Variants in AKAP13 observed in about 807,000 individuals in gnomAD.
AKAP13 encodes A-kinase anchor protein 13.
AKAP13 carries 80 observed loss-of-function variants against 264.5 expected under a neutral mutation model. The ratio of observed to expected loss-of-function variants is 0.30; its 90% confidence interval spans 0.25 to 0.36. AKAP13 has a LOEUF of 0.36. Among genes scored for constraint, AKAP13 ranks in the 10% least tolerant of loss-of-function variants. AKAP13 has a pLI of 1.00. For missense variants in AKAP13, 3,712 were observed against 3,435.2 expected, an observed-to-expected ratio of 1.08 and a Z score of -2.01; for synonymous variants, 1,380 against 1,250.2, an observed-to-expected ratio of 1.10 and a Z score of -2.19.
At chr15:85,620,176 A>AG (rs574069493) in intron 8 of AKAP13, 5 of 1,535,938 alleles carry the variant, frequency 3.3e-6, no homozygotes, top group East Asian at 2.4e-5. Context: ...GCTGAAGGTA[A>AG]GGGGGGCTGC....
chr15:85,606,956 T>C (rs2080377651), intron 8 of AKAP13, among the ~76,000 whole-genome samples: 1 of 152,178 alleles, frequency 6.6e-6, no homozygotes, highest in Non-Finnish European at 1.5e-5. Flanking sequence ...TTCGGGGACA[T>C]TTTAAGTTCA....
At chr15:85,396,658 T>C (rs1952557287) in intron 1 of AKAP13, among the ~76,000 whole-genome samples, 1 of 152,198 alleles carries the variant, frequency 6.6e-6, no homozygotes, top group South Asian at 2.1e-4. Flanking sequence ...AACCATGAAA[T>C]GCCTCTGTAA....
At chr15:85,683,579 C>G (rs1351287362) in intron 15 of AKAP13, 1 of 152,256 alleles carries the variant, frequency 6.6e-6, no homozygotes, top group Non-Finnish European at 1.5e-5. Context: ...AAGCGATTTT[C>G]CTGCCTCAGC....
intron 13 of AKAP13, among the ~76,000 whole-genome samples, chr15:85,667,621 A>G (rs2083676498): frequency 6.6e-6 from 1 of 152,214 alleles, no homozygotes; most frequent in Non-Finnish European, 1.5e-5. Flanking sequence ...TGTAAACAGA[A>G]TCATAGGCCA....
At chr15:85,438,996 C>T (rs1271388146) in intron 1 of AKAP13, among the ~76,000 whole-genome samples, 34 of 145,722 alleles carry the variant, frequency 2.3e-4, no homozygotes, top group African/African-American at 6.3e-4. Flanking sequence ...AGAGCTTCTG[C>T]ACAGCAAAAG....
intron 20 of AKAP13, among the ~76,000 whole-genome samples, chr15:85,716,502 G>A (rs575817150): frequency 6.6e-6 from 1 of 152,320 alleles, no homozygotes; most frequent in African/African-American, 2.4e-5. Flanking sequence ...TAATGATGTT[G>A]CTGACTATTT....
intron 14 of AKAP13, among the ~76,000 whole-genome samples, chr15:85,673,852 AT>A (rs140794268): frequency 0.16 from 23,812 of 146,492 alleles, 2,238 homozygotes; most frequent in Non-Finnish European, 0.22. Flanking sequence ...CACCCGGCTA[AT>A]TTTTTTTTTG....
intron 2 of AKAP13, among the ~76,000 whole-genome samples, chr15:85,519,325 A>T (rs1375846108): frequency 6.6e-6 from 1 of 152,184 alleles, no homozygotes; most frequent in Non-Finnish European, 1.5e-5. Flanking sequence ...CCCTAACCCT[A>T]ACCCCCACAC....
At chr15:85,713,820 T>G (rs1261731324) in intron 19 of AKAP13, among the ~76,000 whole-genome samples, 4 of 152,094 alleles carry the variant, frequency 2.6e-5, no homozygotes, top group Non-Finnish European at 5.9e-5. Flanking sequence ...CTCCTGGGGA[T>G]GGACAGATAA....
intron 4 of AKAP13, chr15:85,534,764 A>G (rs1425004867): frequency 6.6e-6 from 1 of 152,174 alleles, no homozygotes; most frequent in African/African-American, 2.4e-5. Flanking sequence ...AAAAATATTT[A>G]CATAGTAAGT....
rs1239432792 is a variant in AKAP13 at position 85,580,238 on chromosome 15, G to C, written c.2170G>C (p.Asp724His). 4 of 1,614,206 alleles carry C rather than the reference G, an allele frequency of 2.5e-6. No individual in the cohort carries two copies. The highest frequency in any genetic ancestry group is 1.1e-5 in the South Asian group (1 of 91,088). The change falls in exon 7 of 37, where the codon GAT becomes CAT. Residue 724 changes from aspartate to histidine, a missense_variant. By Grantham distance (81) the Asp-to-His change is moderately conservative. Transcript: ENST00000394518. The part of the protein sequence containing the change: ...AHTVTSDPVR[D>H]TQERADFCPF... ...TACAGTCACCTCTGACCCTGTAAGG[G>C]ATACCCAGGAACGTGCGGATTTTTG...
At chr15:85,612,825 C>CAAAAA in intron 8 of AKAP13, among the ~76,000 whole-genome samples, 1 of 41,368 alleles carries the variant, frequency 2.4e-5, no homozygotes, top group East Asian at 8.6e-4. Context: ...CCCTGTCTCA[C>CAAAAA]AAAAAAAAAA....
chr15:85,491,243 G>C (rs1205683570), intron 2 of AKAP13, among the ~76,000 whole-genome samples: 1 of 151,916 alleles, frequency 6.6e-6, no homozygotes, highest in African/African-American at 2.4e-5. Flanking sequence ...TCCTATCCCT[G>C]TGTGTACTCA....
Position 85,423,903 on chromosome 15 carries a change from C to T in AKAP13, c.-12+43105C>T, listed in dbSNP as rs186854889. ...ACAACATTAACCTCCTTGTTCATCT[C>T]CATCATAGCTCTTGGGTGACCCAGG... On this transcript the variant is annotated intron_variant, in intron 1 of 36. Coordinates refer to ENST00000394518, the MANE Select transcript of AKAP13 (RefSeq NM_007200.5). Among the ~76,000 whole-genome samples, 22 of 152,346 alleles carry T rather than the reference C, an allele frequency of 1.4e-4. No individual in the cohort carries two copies. The East Asian group carries it at 3.7e-3, about 25-fold the overall frequency.
In AKAP13 at chr15:85,655,648, G is replaced by C. The variant is rs1276459852; in HGVS notation, c.4606G>C (p.Glu1536Gln). 1.9e-6 allele frequency: 3 copies of C among 1,614,114 alleles called. No homozygotes were observed. The African/African-American group carries it at 4.0e-5, about 22-fold the overall frequency. ...EPADPGDVEEEEMDSITEVPA... is the reference protein window; with the variant it reads ...EPADPGDVEEQEMDSITEVPA... ...TGCTGACCCAGGCGACGTGGAGGAG[G>C]AGGAGATGGACAGTATCACTGAAGT... Residue 1536 changes from glutamate to glutamine, a missense_variant, in exon 11 of 37, where the codon GAG becomes CAG. Glu to Gln is a conservative substitution (Grantham distance 29, BLOSUM62 2). This residue lies in a region of AKAP13 where 2,759 missense variants were observed against 2,411.7 expected (regional missense o/e 1.14). Transcript: ENST00000394518.
intron 8 of AKAP13, among the ~76,000 whole-genome samples, chr15:85,625,738 A>G (rs1225465739): frequency 6.6e-6 from 1 of 152,224 alleles, no homozygotes; most frequent in East Asian, 1.9e-4. Flanking sequence ...GTATGTACTC[A>G]GGGCCTGGCA....
intron 4 of AKAP13, among the ~76,000 whole-genome samples, chr15:85,543,328 A>T (rs1048687559): frequency 6.6e-6 from 1 of 152,154 alleles, no homozygotes; most frequent in Admixed American, 6.5e-5. Flanking sequence ...AAGTAATTAT[A>T]CCATTTATGA....
intron 5 of AKAP13, among the ~76,000 whole-genome samples, chr15:85,562,689 TTC>T (rs1442469933): frequency 0.025 from 1,572 of 62,528 alleles, 14 homozygotes; most frequent in Non-Finnish European, 0.042. Context: ...TTCTTTTCTT[TTC>T]TTTTTTTTTT....
intron 30 of AKAP13, among the ~76,000 whole-genome samples, chr15:85,732,350 A>C (rs1329992476): frequency 3.3e-5 from 5 of 151,880 alleles, no homozygotes; most frequent in Non-Finnish European, 5.9e-5. Flanking sequence ...CAGTCTGGGT[A>C]CTGGGAGTGG....
Sources: allele counts gnomAD v4.1 joint callset (sites outside exome capture counted in the v4.1 genomes callset), GRCh38; gene constraint gnomAD v4.1.1; regional missense constraint gnomAD v4.1.1; transcripts MANE v1.5; gene names NCBI Gene and HGNC (gene_info 2026-07-23, HGNC 2026-07-21).